Variants in RAPH1 observed in about 807,000 individuals in gnomAD.
The protein encoded by RAPH1 is ras-associated and pleckstrin homology domains-containing protein 1.
A neutral mutation model predicts 88.1 loss-of-function variants in RAPH1; 18 were observed. The observed-to-expected ratio is 0.20, with a 90% CI of 0.14 to 0.30. RAPH1 has a LOEUF of 0.30. Among genes scored for constraint, RAPH1 ranks in the 10% least tolerant of loss-of-function variants. The pLI, the probability that RAPH1 is intolerant of heterozygous loss-of-function variation, is 1.00. For synonymous variants in RAPH1, 587 were observed against 559.0 expected (o/e 1.05, Z -0.71); for missense variants, 1,448 against 1,543.2 (o/e 0.94, Z 1.03).
intron 10 of RAPH1, among the ~76,000 whole-genome samples, chr2:203,453,671 A>C (rs952166780): frequency 5.3e-5 from 8 of 152,032 alleles, no homozygotes; most frequent in Non-Finnish European, 1.0e-4. Context: ...CCCCAAACTA[A>C]AGTGACAATT....
intron 1 of RAPH1, among the ~76,000 whole-genome samples, chr2:203,506,840 ATATATCTATC>A (rs1559494729): frequency 4.7e-5 from 3 of 63,190 alleles, no homozygotes; most frequent in African/African-American, 1.3e-4. Flanking sequence ...ATCTATATCT[ATATATCTATC>A]TATATCTATA....
intron 4 of RAPH1, among the ~76,000 whole-genome samples, chr2:203,463,702 A>C (rs2098526082): frequency 6.6e-6 from 1 of 152,254 alleles, no homozygotes; most frequent in African/African-American, 2.4e-5. Context: ...CTGAATTCTT[A>C]TACTATTATA....
intron 4 of RAPH1, among the ~76,000 whole-genome samples, chr2:203,486,512 A>G (rs1687980348): frequency 6.6e-6 from 1 of 152,202 alleles, no homozygotes; most frequent in South Asian, 2.1e-4. Context: ...AAGAAAATCA[A>G]GAAATGGCAA....
intron 1 of RAPH1, among the ~76,000 whole-genome samples, chr2:203,499,582 G>A (rs1443268277): frequency 1.3e-5 from 2 of 152,022 alleles, no homozygotes; most frequent in East Asian, 1.9e-4. Context: ...GCATGGTGGC[G>A]GGCGCCTGTA....
intron 4 of RAPH1, among the ~76,000 whole-genome samples, chr2:203,471,163 C>T (rs916867011): frequency 6.6e-6 from 1 of 151,894 alleles, no homozygotes; most frequent in Non-Finnish European, 1.5e-5. Context: ...TGAAAAAATT[C>T]CAAATTAGTA....
intron 2 of RAPH1, among the ~76,000 whole-genome samples, chr2:203,492,821 G>A (rs1193831782): frequency 2.0e-5 from 3 of 149,182 alleles, no homozygotes; most frequent in African/African-American, 7.4e-5. Context: ...GCCCAGACAC[G>A]AACTCTTAAC....
intron 1 of RAPH1, among the ~76,000 whole-genome samples, chr2:203,521,262 C>T (rs1006826684): frequency 6.6e-6 from 1 of 152,122 alleles, no homozygotes; most frequent in South Asian, 2.1e-4. Flanking sequence ...CCATGTTGGC[C>T]AGGCTGGTCT....
chr2:203,529,469 C>A (rs1303880692), intron 1 of RAPH1, among the ~76,000 whole-genome samples: 1 of 152,176 alleles, frequency 6.6e-6, no homozygotes, highest in African/African-American at 2.4e-5. Flanking sequence ...TCAAGCAATT[C>A]TCCTGCCTCA....
chr2:203,441,947 A>T (rs2098504629), intron 13 of RAPH1: 12 of 1,396,846 alleles, frequency 8.6e-6, no homozygotes, highest in Admixed American at 3.2e-5. Context: ...GAGAATGTTG[A>T]GCAGGCGTGC....
chr2:203,504,639 G>A (rs1249339040), intron 1 of RAPH1, among the ~76,000 whole-genome samples: 5 of 150,348 alleles, frequency 3.3e-5, no homozygotes, highest in African/African-American at 4.9e-5. Context: ...TGCTATTTAT[G>A]CAAATTTCTG....
intron 4 of RAPH1, among the ~76,000 whole-genome samples, chr2:203,466,638 T>C (rs887066955): frequency 3.9e-5 from 6 of 152,220 alleles, no homozygotes; most frequent in African/African-American, 1.4e-4. Context: ...CCTTGGACTG[T>C]CCCTTTCTTC....
intron 1 of RAPH1, among the ~76,000 whole-genome samples, chr2:203,516,444 T>C (rs1689609792): frequency 6.6e-6 from 1 of 152,248 alleles, no homozygotes; most frequent in Admixed American, 6.5e-5. Context: ...AGTCTAAATG[T>C]ATCAATTGAA....
chr2:203,512,996 C>T (rs1488628704), intron 1 of RAPH1, among the ~76,000 whole-genome samples: 1 of 152,060 alleles, frequency 6.6e-6, no homozygotes, highest in Non-Finnish European at 1.5e-5. Context: ...TGTTTATGTC[C>T]TAAGTGTGAA....
chr2:203,440,373 TG>T lies in RAPH1; in HGVS notation c.2816del (p.Pro939HisfsTer62). On this transcript the variant is annotated frameshift_variant, in exon 14 of 14. Coordinates refer to ENST00000319170, the MANE Select transcript of RAPH1 (RefSeq NM_213589.3). LOFTEE classifies it high-confidence loss of function. ...GAGAAGCTGTGGGTGGAGGTGGTGG[TG>T]GTGGGGCTGGGACAGGTGATGGGGG... ...PPPPSPVPAPPPPPPPTASPT... is the reference protein window; with the variant it reads ...PPPPSPVPAPXPPPPPTASPT... The T allele has an allele frequency of 6.4e-7, 1 of 1,563,218 alleles. No individual in the cohort carries two copies. The highest frequency in any genetic ancestry group is 8.7e-7 in the Non-Finnish European group (1 of 1,154,546).
At chr2:203,529,005 A>ATATATATTTTTTTTTTTTT (rs1553633903) in intron 1 of RAPH1, among the ~76,000 whole-genome samples, 2 of 41,154 alleles carry the variant, frequency 4.9e-5, no homozygotes, top group African/African-American at 2.4e-4. Flanking sequence ...ATATATATAT[A>ATATATATTTTTTTTTTTTT]TTTTTTTTTT....
At chr2:203,531,317 A>G (rs1418409874) in intron 1 of RAPH1, among the ~76,000 whole-genome samples, 1 of 152,142 alleles carries the variant, frequency 6.6e-6, no homozygotes, top group African/African-American at 2.4e-5. Context: ...TGACGAGTCA[A>G]TGGGGGCAGC....
At chr2:203,452,414 A>G (rs2098515692) in intron 10 of RAPH1, among the ~76,000 whole-genome samples, 1 of 152,220 alleles carries the variant, frequency 6.6e-6, no homozygotes, top group East Asian at 1.9e-4. Flanking sequence ...AGAAGTTGAA[A>G]CCAACAGAAT....
Position 203,532,631 on chromosome 2 carries a change from C to T in RAPH1, c.-1+2480G>A, listed in dbSNP as rs527378348. Among the ~76,000 whole-genome samples the T allele has an allele frequency of 3.3e-5, 5 of 152,256 alleles. No individual in the cohort carries two copies. The East Asian group carries it at 9.6e-4, about 29-fold the overall frequency. On this transcript the variant is annotated intron_variant, in intron 1 of 13. Coordinates refer to ENST00000319170, the MANE Select transcript of RAPH1 (RefSeq NM_213589.3). ...ATGGCGAGAATTAAATAAATTATCA[C>T]ATATAAAGTGTTTAAAACAGTGTAC...
At chr2:203,512,006 G>A (rs965527786) in intron 1 of RAPH1, among the ~76,000 whole-genome samples, 12 of 151,748 alleles carry the variant, frequency 7.9e-5, no homozygotes, top group African/African-American at 2.9e-4. Context: ...CCAGCTACTC[G>A]GGAGGCTGAG....
Sources: gnomAD v4.1 joint callset for allele counts (sites outside exome capture counted in the v4.1 genomes callset) on GRCh38, gnomAD v4.1.1 for gene constraint, MANE v1.5 for transcripts, NCBI Gene and HGNC (gene_info 2026-07-23, HGNC 2026-07-21) for gene names.